RELN: variants seen among roughly 807,000 people sequenced by gnomAD.
RELN encodes the protein reelin.
In RELN, 108 loss-of-function variants were observed where a neutral mutation model predicts 427.6. The observed-to-expected ratio is 0.25, with a 90% CI of 0.22 to 0.30. The LOEUF (loss-of-function observed/expected upper bound fraction) is 0.30. RELN is among the 10% of genes least tolerant of loss of function. The pLI is 1.00. For missense variants in RELN, 3,715 were observed against 4,302.8 expected (o/e 0.86, Z 3.82); for synonymous variants, 1,524 against 1,513.4 (o/e 1.01, Z -0.16).
rs997122247 is a variant in RELN at position 103,824,975 on chromosome 7, C to G, written c.473+8562G>C. 6.9e-6 allele frequency among the ~76,000 whole-genome samples: 1 copy of G among 145,080 alleles called. No individual in the cohort carries two copies. The highest frequency in any genetic ancestry group is 2.5e-5 in the African/African-American group (1 of 40,060). ...TCTTTGCGAGTTTTTGAAGCTCTTGCTTCAAATAATAGGTGGTTCTAGGAG... is the reference window on the plus strand; with the variant it reads ...TCTTTGCGAGTTTTTGAAGCTCTTGGTTCAAATAATAGGTGGTTCTAGGAG... On this transcript the variant is annotated intron_variant, in intron 3 of 64. Coordinates refer to ENST00000428762, the MANE Select transcript of RELN (RefSeq NM_005045.4). The surrounding 1 kb of genome is among the most constrained non-coding windows in gnomAD (Gnocchi z 4.4).
intron 4 of RELN, among the ~76,000 whole-genome samples, 171 bp from the exon 5 acceptor site, chr7:103,753,385 A>C (rs182209333): frequency 5.9e-5 from 9 of 152,344 alleles, no homozygotes; most frequent in African/African-American, 2.2e-4. Flanking sequence ...AATAGAAGAC[A>C]ATAAATTTAA....
intron 1 of RELN, among the ~76,000 whole-genome samples, chr7:103,952,568 C>G (rs576752409): frequency 5.9e-5 from 9 of 151,958 alleles, no homozygotes; most frequent in Non-Finnish European, 1.2e-4. Flanking sequence ...CTCTCTCTCT[C>G]TCTCTGGATA....
chr7:103,682,383 T>C, intron 10 of RELN, 122 bp from the exon 11 acceptor site: 1 of 1,005,886 alleles, frequency 9.9e-7, no homozygotes, highest in Non-Finnish European at 1.5e-6. Context: ...TGATGGACTC[T>C]CAAATCAAAA....
intron 49 of RELN, among the ~76,000 whole-genome samples, chr7:103,516,828 T>C (rs1829577472): frequency 6.7e-6 from 1 of 149,222 alleles, no homozygotes; most frequent in African/African-American, 2.4e-5. Flanking sequence ...TTTTCCTTCC[T>C]TTTTTTTTTC....
intron 1 of RELN, among the ~76,000 whole-genome samples, chr7:103,948,037 ACTTTT>A (rs1039007131): frequency 2.6e-5 from 4 of 152,356 alleles, no homozygotes; most frequent in Non-Finnish European, 5.9e-5. Context: ...GAATAACATT[ACTTTT>A]GTTTCAGTAA....
chr7:103,544,202 A>G (rs1456231482), intron 42 of RELN, among the ~76,000 whole-genome samples: 2 of 147,462 alleles, frequency 1.4e-5, no homozygotes, highest in Admixed American at 6.8e-5. Context: ...ACAAAAACTG[A>G]GCAAAAAGAA....
At chr7:103,495,658 A>G in intron 57 of RELN, 65 bp downstream of exon 57, 1 of 1,440,626 alleles carries the variant, frequency 6.9e-7, no homozygotes, top group South Asian at 1.1e-5. Context: ...TGTCTGACTA[A>G]CCATTCTCCC....
chr7:103,911,788 G>A (rs200931670), intron 2 of RELN, among the ~76,000 whole-genome samples: 27,946 of 132,092 alleles, frequency 0.21, 3,304 homozygotes, highest in African/African-American at 0.32. Flanking sequence ...CTCACTCATA[G>A]GTGGGAATTG....
In RELN at chr7:103,957,499, A is replaced by G. The variant is rs796520598; in HGVS notation, c.226+31632T>C. 6.0e-4 allele frequency among the ~76,000 whole-genome samples: 92 copies of G among 152,290 alleles called. 1 individual carries two copies. The highest frequency in any genetic ancestry group is 2.2e-3 in the African/African-American group (90 of 41,574). On this transcript the variant is annotated intron_variant, in intron 1 of 64. Transcript: ENST00000428762. ...TTCGTGGCAATCTCGTATTATAGAG[A>G]AACCAGAGGTGACTGGTTTGCCCTT...
chr7:103,791,954 T>C (rs1204419020), intron 3 of RELN, among the ~76,000 whole-genome samples: 2 of 151,922 alleles, frequency 1.3e-5, no homozygotes, highest in Non-Finnish European at 2.9e-5. Flanking sequence ...AAAATACAAA[T>C]GGTCAATAAA....
chr7:103,524,034 A>C (rs1829767620), intron 46 of RELN, among the ~76,000 whole-genome samples: 1 of 152,108 alleles, frequency 6.6e-6, no homozygotes, highest in South Asian at 2.1e-4. Context: ...AAACCAACCA[A>C]ACTGTGATAG....
chr7:103,909,727 A>T (rs1795306196), intron 2 of RELN, among the ~76,000 whole-genome samples: 1 of 26,332 alleles, frequency 3.8e-5, no homozygotes, highest in South Asian at 1.7e-3. Flanking sequence ...TATTAAATAT[A>T]TTTTTTAATA....
At chr7:103,566,883 G>T (rs2117189851) in intron 31 of RELN, 124 bp from the exon 32 acceptor site, 1 of 911,668 alleles carries the variant, frequency 1.1e-6, no homozygotes, top group Non-Finnish European at 1.8e-6. Flanking sequence ...GCACATTTGT[G>T]TAACTTCCAA....
intron 3 of RELN, among the ~76,000 whole-genome samples, chr7:103,828,257 T>A (rs761380429): frequency 2.0e-5 from 3 of 152,066 alleles, no homozygotes; most frequent in Non-Finnish European, 4.4e-5. Flanking sequence ...ATTTTGAGCC[T>A]GGCAGGTGTT....
intron 2 of RELN, among the ~76,000 whole-genome samples, chr7:103,908,977 C>A (rs1795279160): frequency 6.6e-6 from 1 of 152,150 alleles, no homozygotes. Flanking sequence ...CTCAAGTATG[C>A]TTAAATTGCA....
intron 38 of RELN, among the ~76,000 whole-genome samples, chr7:103,554,671 G>A (rs1241190513): frequency 6.6e-6 from 1 of 152,014 alleles, no homozygotes; most frequent in Admixed American, 6.6e-5. Context: ...TGACAATGCT[G>A]TGTATATAAT....
intron 20 of RELN, 119 bp downstream of exon 20, chr7:103,629,821 T>C: frequency 1.3e-6 from 1 of 777,726 alleles, no homozygotes; most frequent in South Asian, 1.4e-5. Flanking sequence ...TGTTTTCAAG[T>C]AGTTCCTATT....
At chr7:103,751,102 C>A (rs1562990858) in intron 5 of RELN, among the ~76,000 whole-genome samples, 2 of 152,162 alleles carry the variant, frequency 1.3e-5, no homozygotes, top group East Asian at 3.8e-4. Context: ...ACAATGCTCT[C>A]ATCTGATTCA....
chr7:103,985,745 G>C (rs143200061), intron 1 of RELN, among the ~76,000 whole-genome samples: 21 of 152,298 alleles, frequency 1.4e-4, no homozygotes, highest in Middle Eastern at 6.8e-3. Flanking sequence ...AAACAAAATG[G>C]ATGGTAGATA....
Sources: gnomAD v4.1 joint callset for allele counts (sites outside exome capture counted in the v4.1 genomes callset) on GRCh38, gnomAD v4.1.1 for gene constraint, Gnocchi (gnomAD v3.1) non-coding constraint, MANE v1.5 for transcripts, NCBI Gene and HGNC (gene_info 2026-07-23, HGNC 2026-07-21) for gene names.